DLG2: variants seen among roughly 807,000 people sequenced by gnomAD.
The protein encoded by DLG2 is disks large homolog 2.
Under a neutral mutation model 132.5 loss-of-function variants are expected in DLG2, and 45 were observed. The ratio of observed to expected loss-of-function variants is 0.34; its 90% CI spans 0.27 to 0.44. DLG2 has a LOEUF of 0.44. Ranked by LOEUF, DLG2 falls within the 20% of genes least tolerant of loss-of-function variation. The pLI is 1.00. For synonymous variants in DLG2, 424 were observed against 419.6 expected (o/e 1.01, Z -0.13); for missense variants, 1,045 against 1,196.9 (o/e 0.87, Z 1.87).
chr11:85,279,799 G>T (rs974699765), intron 4 of DLG2, among the ~76,000 whole-genome samples: 1 of 152,066 alleles, frequency 6.6e-6, no homozygotes, highest in Admixed American at 6.6e-5. Context: ...GCAGTATTGT[G>T]TTACCCTACA....
chr11:83,609,165 C>T (rs1269130058), intron 19 of DLG2, among the ~76,000 whole-genome samples: 6 of 152,132 alleles, frequency 3.9e-5, no homozygotes, highest in Non-Finnish European at 5.9e-5. Flanking sequence ...TCCCTTGGTT[C>T]GACTTATTTC....
At chr11:84,726,138 T>C (rs2062424059) in intron 6 of DLG2, among the ~76,000 whole-genome samples, 1 of 152,162 alleles carries the variant, frequency 6.6e-6, no homozygotes, top group Non-Finnish European at 1.5e-5. Flanking sequence ...TATTATACTT[T>C]AAGTTCTGAG....
At chr11:84,247,261 T>C (rs2097314124) in intron 8 of DLG2, among the ~76,000 whole-genome samples, 1 of 152,120 alleles carries the variant, frequency 6.6e-6, no homozygotes, top group African/African-American at 2.4e-5. Context: ...GAGAGCGCAA[T>C]GTCAGTTGGT....
At chr11:84,416,469 C>G (rs1375709069) in intron 7 of DLG2, among the ~76,000 whole-genome samples, 1 of 152,170 alleles carries the variant, frequency 6.6e-6, no homozygotes, top group Non-Finnish European at 1.5e-5. Flanking sequence ...CTCCAAAGAG[C>G]ATGAATTAGA....
intron 3 of DLG2, among the ~76,000 whole-genome samples, chr11:85,382,052 T>A (rs1333133812): frequency 6.6e-6 from 1 of 152,134 alleles, no homozygotes; most frequent in South Asian, 2.1e-4. Flanking sequence ...CGGAAATGCA[T>A]GGGACCCAGA....
At chr11:85,464,005 T>TAC (rs1223293490) in intron 3 of DLG2, among the ~76,000 whole-genome samples, 5,653 of 22,552 alleles carry the variant, frequency 0.25, 373 homozygotes, top group African/African-American at 0.44. Context: ...CACACACACA[T>TAC]ACACACACAC....
At chr11:83,596,280 C>T (rs2057564301) in intron 19 of DLG2, among the ~76,000 whole-genome samples, 1 of 152,192 alleles carries the variant, frequency 6.6e-6, no homozygotes, top group African/African-American at 2.4e-5. Flanking sequence ...ATAACACTGG[C>T]TTCTTCTCCT....
At chr11:84,433,026 A>C (rs1204124749) in intron 7 of DLG2, among the ~76,000 whole-genome samples, 1 of 152,080 alleles carries the variant, frequency 6.6e-6, no homozygotes, top group Non-Finnish European at 1.5e-5. Context: ...CCTGTCAAAA[A>C]AATTCAAAAA....
chr11:85,594,246 T>A (rs980470510), intron 3 of DLG2, among the ~76,000 whole-genome samples: 1 of 152,176 alleles, frequency 6.6e-6, no homozygotes, highest in Non-Finnish European at 1.5e-5. Flanking sequence ...ATGTAATACA[T>A]CTGCTGTATC....
chr11:84,767,328 G>A (rs1267285893), intron 6 of DLG2, among the ~76,000 whole-genome samples: 2 of 151,918 alleles, frequency 1.3e-5, no homozygotes, highest in Non-Finnish European at 2.9e-5. Flanking sequence ...TTGGGCAAAG[G>A]CTTGAGGATC....
At chr11:85,307,527 C>T (rs2152803468) in intron 3 of DLG2, among the ~76,000 whole-genome samples, 1 of 152,260 alleles carries the variant, frequency 6.6e-6, no homozygotes, top group Middle Eastern at 3.4e-3. Flanking sequence ...GGCTAGGTGA[C>T]AGAGGAGAAG....
At chr11:84,716,163 G>C (rs554031478) in intron 6 of DLG2, among the ~76,000 whole-genome samples, 23 of 152,002 alleles carry the variant, frequency 1.5e-4, no homozygotes, top group Non-Finnish European at 1.8e-4. Flanking sequence ...GATACTTAAC[G>C]ATGTTGAGCA....
At chr11:85,017,868 C>T (rs1246401185) in intron 6 of DLG2, among the ~76,000 whole-genome samples, 1 of 152,144 alleles carries the variant, frequency 6.6e-6, no homozygotes, top group East Asian at 1.9e-4. Context: ...CGAAAACTGA[C>T]CAAAAGATGT....
intron 3 of DLG2, among the ~76,000 whole-genome samples, chr11:85,385,815 C>G (rs2086276350): frequency 6.6e-6 from 1 of 152,130 alleles, no homozygotes. Flanking sequence ...GAGAACTGAA[C>G]TTTTCAAGAT....
At chr11:85,075,556 C>G (rs2154169182) in intron 6 of DLG2, among the ~76,000 whole-genome samples, 1 of 151,890 alleles carries the variant, frequency 6.6e-6, no homozygotes, top group Admixed American at 6.6e-5. Flanking sequence ...CAAAAAACCC[C>G]AAATTACAGA....
At chr11:84,972,907 T>C (rs2054303357) in intron 6 of DLG2, among the ~76,000 whole-genome samples, 1 of 152,088 alleles carries the variant, frequency 6.6e-6, no homozygotes, top group African/African-American at 2.4e-5. Flanking sequence ...GTCCATTGTA[T>C]TCTAGCTGTG....
intron 18 of DLG2, among the ~76,000 whole-genome samples, chr11:83,774,384 G>A (rs886388121): frequency 2.6e-5 from 4 of 152,150 alleles, no homozygotes; most frequent in Non-Finnish European, 4.4e-5. Flanking sequence ...GACAGTGCCA[G>A]GCATTTTATA....
At chr11:84,075,090 A>G (rs2096809856) in intron 10 of DLG2, among the ~76,000 whole-genome samples, 1 of 151,994 alleles carries the variant, frequency 6.6e-6, no homozygotes. Flanking sequence ...CAGCTTTGAA[A>G]GTCTTTTCCC....
intron 7 of DLG2, among the ~76,000 whole-genome samples, chr11:84,498,411 C>T (rs1309212199): frequency 6.6e-6 from 1 of 152,064 alleles, no homozygotes; most frequent in East Asian, 1.9e-4. Context: ...CCTAATGGAA[C>T]CCATCTTCTA....
Sources: gnomAD v4.1 joint callset for allele counts (sites outside exome capture counted in the v4.1 genomes callset) on GRCh38, gnomAD v4.1.1 for gene constraint, MANE v1.5 for transcripts, NCBI Gene and HGNC (gene_info 2026-07-23, HGNC 2026-07-21) for gene names.